AGTPBP1: variants seen among roughly 807,000 people sequenced by gnomAD.
AGTPBP1 encodes the protein cytosolic carboxypeptidase 1.
In AGTPBP1, 70 loss-of-function variants were observed where a neutral mutation model predicts 143.9. The observed-to-expected ratio is 0.49, with a 90% CI of 0.40 to 0.59. The LOEUF is 0.59. Among genes scored for constraint, AGTPBP1 ranks in the 20% least tolerant of loss-of-function variants. AGTPBP1 has a pLI of 0.00. For missense variants in AGTPBP1, 1,229 were observed against 1,464.5 expected (o/e 0.84, Z 2.62); for synonymous variants, 463 against 500.2 (o/e 0.93, Z 0.99).
At chr9:85,566,082 C>T (rs1827066345) in intron 25 of AGTPBP1, among the ~76,000 whole-genome samples, 1 of 152,138 alleles carries the variant, frequency 6.6e-6, no homozygotes, top group Non-Finnish European at 1.5e-5. Flanking sequence ...ATGTGACTGG[C>T]ACACATTGCA....
At chr9:85,597,750 G>C (rs998709136) in intron 17 of AGTPBP1, among the ~76,000 whole-genome samples, 26 of 152,120 alleles carry the variant, frequency 1.7e-4, no homozygotes, top group Non-Finnish European at 3.1e-4. Flanking sequence ...TCTAATAATA[G>C]AATCAGATGG....
Position 85,575,493 on chromosome 9 carries a change from T to C in AGTPBP1, c.3343-18A>G, listed in dbSNP as rs763533723. The C allele has an allele frequency of 3.2e-6, 5 of 1,582,780 alleles. No homozygotes were observed. The highest frequency in any genetic ancestry group is 4.3e-6 in the Non-Finnish European group (5 of 1,170,972). On this transcript the variant is annotated intron_variant, in intron 24 of 25. Transcript: ENST00000357081. ...TGTAAACCCTTGAAATAAACAAATA[T>C]TATGCATATAATTACAAAGTTTGCT...
intron 1 of AGTPBP1, among the ~76,000 whole-genome samples, chr9:85,723,117 G>C (rs1439683511): frequency 1.3e-5 from 2 of 152,200 alleles, no homozygotes; most frequent in East Asian, 3.9e-4. Context: ...CTCCCAGTCA[G>C]GCTACATGGG....
At chr9:85,651,315 G>C (rs1268398102) in intron 11 of AGTPBP1, among the ~76,000 whole-genome samples, 1 of 152,086 alleles carries the variant, frequency 6.6e-6, no homozygotes, top group African/African-American at 2.4e-5. Flanking sequence ...CTCTGTTCCA[G>C]ATGTTACCTT....
At chr9:85,733,849 C>T (rs1035124486) in intron 1 of AGTPBP1, among the ~76,000 whole-genome samples, 3 of 152,120 alleles carry the variant, frequency 2.0e-5, no homozygotes, top group African/African-American at 7.2e-5. Flanking sequence ...AATTGGATAA[C>T]CTAGATGAGA....
At chr9:85,635,747 T>A (rs1339583587) in intron 13 of AGTPBP1, among the ~76,000 whole-genome samples, 1 of 151,520 alleles carries the variant, frequency 6.6e-6, no homozygotes, top group Non-Finnish European at 1.5e-5. Flanking sequence ...GAACTGGCAT[T>A]AAGGTGATTT....
chr9:85,667,444 T>C (rs537582506), intron 8 of AGTPBP1, among the ~76,000 whole-genome samples: 16 of 152,120 alleles, frequency 1.1e-4, no homozygotes, highest in African/African-American at 3.4e-4. Context: ...AAAATAAAAC[T>C]AGATAAGTTA....
intron 3 of AGTPBP1, among the ~76,000 whole-genome samples, chr9:85,681,650 C>A (rs1026101254): frequency 6.6e-6 from 1 of 151,924 alleles, no homozygotes; most frequent in Non-Finnish European, 1.5e-5. Flanking sequence ...AGGAGTCTTA[C>A]CTCATCTTCA....
chr9:85,749,569 A>G, the AGTPBP1 span, among the ~76,000 whole-genome samples: 12 of 152,290 alleles, frequency 7.9e-5, no homozygotes, highest in African/African-American at 2.2e-4. Context: ...GGTTCTCTTC[A>G]GAGCAGCAGT....
intron 7 of AGTPBP1, among the ~76,000 whole-genome samples, chr9:85,670,599 T>C (rs1213707540): frequency 6.6e-6 from 1 of 152,224 alleles, no homozygotes; most frequent in African/African-American, 2.4e-5. Flanking sequence ...GACAATGGCA[T>C]GTGCCTGTAG....
At chr9:85,595,320 T>C (rs1829223995) in intron 18 of AGTPBP1, among the ~76,000 whole-genome samples, 2 of 152,166 alleles carry the variant, frequency 1.3e-5, no homozygotes, top group South Asian at 4.1e-4. Flanking sequence ...AAATTCACCA[T>C]ACAGAAATGT....
chr9:85,782,667 T>A, the AGTPBP1 span, among the ~76,000 whole-genome samples: 1 of 152,214 alleles, frequency 6.6e-6, no homozygotes, highest in Non-Finnish European at 1.5e-5. Context: ...GCAAGTGACT[T>A]AAGGACAGAA....
intron 2 of AGTPBP1, among the ~76,000 whole-genome samples, chr9:85,708,742 G>A (rs1293836990): frequency 6.6e-6 from 1 of 151,998 alleles, no homozygotes; most frequent in Non-Finnish European, 1.5e-5. Context: ...CACCATGTTG[G>A]CCAGGCTGGT....
chr9:85,592,420 G>T, intron 19 of AGTPBP1, 140 bp downstream of exon 19: 1 of 549,478 alleles, frequency 1.8e-6, no homozygotes, highest in East Asian at 3.5e-5. Context: ...AACTCAATTA[G>T]TATAATTATC....
intron 13 of AGTPBP1, 82 bp from the exon 14 acceptor site, chr9:85,633,456 T>C: frequency 1.8e-6 from 2 of 1,105,608 alleles, no homozygotes; most frequent in South Asian, 2.4e-5. Context: ...ATGTTATATA[T>C]TGCTTCAGAA....
chr9:85,686,268 T>C (rs866454479), intron 3 of AGTPBP1, among the ~76,000 whole-genome samples: 4 of 152,054 alleles, frequency 2.6e-5, no homozygotes, highest in South Asian at 2.1e-4. Context: ...TAGAAAAGAC[T>C]ATATCATGCA....
intron 1 of AGTPBP1, chr9:85,741,571 C>T (rs1824282677): frequency 1.0e-6 from 1 of 985,310 alleles, no homozygotes; most frequent in African/African-American, 1.7e-5. Flanking sequence ...AAAGCCCCAC[C>T]CCGTCAGGGC....
chr9:85,738,946 G>A (rs1384211986), intron 1 of AGTPBP1, among the ~76,000 whole-genome samples: 1 of 151,598 alleles, frequency 6.6e-6, no homozygotes, highest in Non-Finnish European at 1.5e-5. Context: ...CTTACTACAT[G>A]CCAGGCACTG....
At chr9:85,652,866 C>T (rs371869130) in intron 11 of AGTPBP1, among the ~76,000 whole-genome samples, 17 of 152,272 alleles carry the variant, frequency 1.1e-4, no homozygotes, top group Middle Eastern at 3.4e-3. Context: ...GGACTAAACC[C>T]TTAACCTGTG....
Sources: gnomAD v4.1 joint callset for allele counts (sites outside exome capture counted in the v4.1 genomes callset) on GRCh38, gnomAD v4.1.1 for gene constraint, MANE v1.5 for transcripts, NCBI Gene and HGNC (gene_info 2026-07-23, HGNC 2026-07-21) for gene names.